RPH3A: variants seen among roughly 807,000 people sequenced by gnomAD.
The protein encoded by RPH3A is rabphilin-3A.
A neutral mutation model predicts 102.2 loss-of-function variants in RPH3A; 48 were observed. The observed-to-expected ratio is 0.47, with a 90% CI of 0.37 to 0.60. The LOEUF is 0.60. Ranked by LOEUF, RPH3A falls within the 20% of genes least tolerant of loss-of-function variation. The pLI is 0.00. For synonymous variants in RPH3A, 310 were observed against 324.3 expected, an observed-to-expected ratio of 0.96 and a Z score of 0.47; for missense variants, 781 against 910.1, an observed-to-expected ratio of 0.86 and a Z score of 1.83.
chr12:112,862,146 C>A (rs2042528912), intron 5 of RPH3A, among the ~76,000 whole-genome samples: 1 of 151,968 alleles, frequency 6.6e-6, no homozygotes, highest in African/African-American at 2.4e-5. Context: ...ATAGTGAGAC[C>A]CCATCTTTCC....
At chr12:112,811,463 T>C (rs2041574040) in intron 2 of RPH3A, among the ~76,000 whole-genome samples, 1 of 152,104 alleles carries the variant, frequency 6.6e-6, no homozygotes, top group Non-Finnish European at 1.5e-5. Context: ...TTGAGGGCCA[T>C]TTTTAAACAG....
chr12:112,581,606 C>T (rs909037161), intron 1 of RPH3A, among the ~76,000 whole-genome samples: 16 of 152,230 alleles, frequency 1.1e-4, no homozygotes, highest in Admixed American at 9.8e-4. Flanking sequence ...CACTATGTTT[C>T]CCAAGCTGGT....
intron 2 of RPH3A, among the ~76,000 whole-genome samples, chr12:112,802,815 ACTCCCCAGGGCCTCTGTCCT>A (rs1418854665): frequency 5.4e-5 from 8 of 148,850 alleles, no homozygotes; most frequent in Admixed American, 6.7e-5. Context: ...GCCTCTGTCC[ACTCCCCAGGGCCTCTGTCCT>A]CTCCCCAGGG....
chr12:112,606,091 C>T (rs1026509021), intron 1 of RPH3A, among the ~76,000 whole-genome samples: 57 of 152,228 alleles, frequency 3.7e-4, no homozygotes, highest in Middle Eastern at 3.4e-3. Flanking sequence ...CTCTTAGTAC[C>T]TGCTTGGCCC....
At chr12:112,797,397 A>C (rs1439049808) in intron 2 of RPH3A, among the ~76,000 whole-genome samples, 1 of 152,202 alleles carries the variant, frequency 6.6e-6, no homozygotes, top group Non-Finnish European at 1.5e-5. Flanking sequence ...GGCAAAGAAC[A>C]GAGAAAGGTG....
chr12:112,710,541 A>G (rs773668582), intron 1 of RPH3A, among the ~76,000 whole-genome samples: 3 of 152,168 alleles, frequency 2.0e-5, no homozygotes, highest in Non-Finnish European at 4.4e-5. Flanking sequence ...TTCAGGCCCA[A>G]TCATATTTGT....
intron 1 of RPH3A, among the ~76,000 whole-genome samples, chr12:112,613,958 A>T (rs2039658252): frequency 6.6e-6 from 1 of 152,134 alleles, no homozygotes; most frequent in African/African-American, 2.4e-5. Flanking sequence ...GAAAAGCAAG[A>T]AGTAGGGTCA....
Position 112,847,683 on chromosome 12 carries a change from A to G in RPH3A, c.84-13A>G, listed in dbSNP as rs536435695. ...TTCTGCCCACCCTCACACCTTCCCA[A>G]ATTTCCTTTCAGGCTCCAGGCAGGC... On this transcript the variant is annotated splice_polypyrimidine_tract_variant and intron_variant, in intron 4 of 21. Transcript: ENST00000389385. 6 of 1,612,670 alleles carry G rather than the reference A, an allele frequency of 3.7e-6. No individual in the cohort carries two copies. The highest frequency in any genetic ancestry group is 2.2e-5 in the South Asian group (2 of 90,922).
chr12:112,730,354 T>G (rs1467413209), intron 1 of RPH3A, among the ~76,000 whole-genome samples: 1 of 152,222 alleles, frequency 6.6e-6, no homozygotes, highest in Non-Finnish European at 1.5e-5. Flanking sequence ...GGTCTCCAGC[T>G]GTTAGCCCCA....
chr12:112,830,990 A>C (rs1402243333), intron 3 of RPH3A, among the ~76,000 whole-genome samples: 3 of 152,144 alleles, frequency 2.0e-5, no homozygotes, highest in Non-Finnish European at 4.4e-5. Context: ...TAAAGGACCA[A>C]ATAGTAAATA....
intron 1 of RPH3A, among the ~76,000 whole-genome samples, chr12:112,680,495 G>T (rs534220977): frequency 6.6e-6 from 1 of 152,186 alleles, no homozygotes; most frequent in African/African-American, 2.4e-5. Flanking sequence ...GGAAACTGAG[G>T]CCCGGAGAAG....
At chr12:112,752,346 C>A (rs1423092534) in intron 1 of RPH3A, among the ~76,000 whole-genome samples, 1 of 152,096 alleles carries the variant, frequency 6.6e-6, no homozygotes, top group Non-Finnish European at 1.5e-5. Flanking sequence ...ACAAAAAATT[C>A]AATTATAGAA....
At chr12:112,896,548 T>C (rs2136277201) in intron 21 of RPH3A, 102 bp from the exon 22 acceptor site, 3 of 1,373,868 alleles carry the variant, frequency 2.2e-6, no homozygotes, top group Non-Finnish European at 1.0e-6. Context: ...CCCAGGTTGC[T>C]GGGGGTCACT....
At position 112,619,361 on chromosome 12, in the gene RPH3A, T is replaced by C. The variant is rs190449166; in HGVS notation, c.-140+44042T>C. ...AGTGCAATGGCACAACCTCAGCCCA[T>C]TGCAACCTCTGCCTCCCAGGTTCAA... On this transcript the variant is annotated intron_variant, in intron 1 of 21. Transcript: ENST00000543106. Among the ~76,000 whole-genome samples, 249 of 150,970 alleles carry C rather than the reference T, an allele frequency of 1.6e-3. 2 individuals are homozygous for C. The highest frequency in any genetic ancestry group is 5.7e-3 in the African/African-American group (235 of 41,238).
intron 1 of RPH3A, among the ~76,000 whole-genome samples, chr12:112,767,875 G>A (rs1176604789): frequency 6.6e-6 from 1 of 152,110 alleles, no homozygotes; most frequent in Non-Finnish European, 1.5e-5. Flanking sequence ...AAGGCCACAT[G>A]TTACATGATT....
At chr12:112,855,692 C>A (rs889720543) in intron 5 of RPH3A, among the ~76,000 whole-genome samples, 3 of 152,196 alleles carry the variant, frequency 2.0e-5, no homozygotes, top group African/African-American at 7.2e-5. Flanking sequence ...TCCTGAGAGA[C>A]CCTGGCATTA....
chr12:112,727,501 C>CA lies in RPH3A; in HGVS notation c.-139-64642_-139-64641insA, dbSNP rs2040602463. On this transcript the variant is annotated intron_variant, in intron 1 of 21. Coordinates refer to the RPH3A transcript ENST00000543106. ...CACACACACACACACAGACCCCCCCCCCCCACACACATATATATATATAGG... is the reference window on the plus strand; with the variant it reads ...CACACACACACACACAGACCCCCCCCACCCCACACACATATATATATATAGG... Among the ~76,000 whole-genome samples the CA allele has an allele frequency of 6.5e-5, 6 of 92,162 alleles. 1 individual carries two copies. Among genetic ancestry groups the CA allele is most frequent in the African/African-American group, 2.4e-4 (5 of 21,052 alleles). The allele number at this position is 92,162 out of a possible 152,430, so 60.5% of individuals were successfully genotyped here.
intron 1 of RPH3A, among the ~76,000 whole-genome samples, chr12:112,730,400 C>G (rs1309851605): frequency 1.3e-5 from 2 of 152,214 alleles, no homozygotes; most frequent in Non-Finnish European, 1.5e-5. Flanking sequence ...GCCAGCTTGC[C>G]CAAGGTCATG....
At chr12:112,851,627 T>C (rs2042324477) in intron 5 of RPH3A, among the ~76,000 whole-genome samples, 1 of 152,136 alleles carries the variant, frequency 6.6e-6, no homozygotes, top group Non-Finnish European at 1.5e-5. Flanking sequence ...CCCCAGGCCA[T>C]GCGCAGCAAC....
Sources: gnomAD v4.1 joint callset for allele counts (sites outside exome capture counted in the v4.1 genomes callset) on GRCh38, gnomAD v4.1.1 for gene constraint, MANE v1.5 for transcripts, NCBI Gene and HGNC (gene_info 2026-07-23, HGNC 2026-07-21) for gene names.